Variants in AKAP3 observed in about 807,000 individuals in gnomAD.
AKAP3 encodes A-kinase anchoring protein 3.
A neutral mutation model predicts 57.2 loss-of-function variants in AKAP3; 27 were observed. The observed-to-expected ratio is 0.47, with a 90% CI of 0.35 to 0.65. AKAP3 has a LOEUF of 0.65. AKAP3 is among the 30% of genes least tolerant of loss of function. The pLI, the probability that AKAP3 is intolerant of heterozygous loss-of-function variation, is 0.01. For missense variants in AKAP3, 959 were observed against 1,040.0 expected (o/e 0.92, Z 1.07); for synonymous variants, 334 against 392.3 (o/e 0.85, Z 1.76).
intron 5 of AKAP3, 37 bp downstream of exon 5, chr12:4,626,459 A>T (rs1261406466): frequency 6.3e-7 from 1 of 1,589,712 alleles, no homozygotes; most frequent in Admixed American, 1.7e-5. Context: ...GTTAAATCTT[A>T]ATAAAGCTTC....
intron 4 of AKAP3, among the ~76,000 whole-genome samples, chr12:4,633,279 G>C (rs926474310): frequency 6.6e-6 from 1 of 151,594 alleles, no homozygotes; most frequent in Non-Finnish European, 1.5e-5. Flanking sequence ...TATTTTAAAA[G>C]ATAAATAAAA....
chr12:4,619,196 G>A (rs535042591), intron 5 of AKAP3, among the ~76,000 whole-genome samples: 1 of 152,282 alleles, frequency 6.6e-6, no homozygotes, highest in African/African-American at 2.4e-5. Flanking sequence ...TGAAACCTGT[G>A]CAAATTACTG....
Position 4,625,032 on chromosome 12 carries a change from T to A in AKAP3, c.2406+1464A>T, listed in dbSNP as rs984047251. 2.0e-4 allele frequency among the ~76,000 whole-genome samples: 26 copies of A among 131,060 alleles called. No homozygotes were observed. Among genetic ancestry groups the A allele is most frequent in the African/African-American group, 8.6e-4 (25 of 29,048 alleles). 86.0% of individuals were successfully genotyped at this position (131,060 alleles called of 152,430 possible). ...CCTGAAAGCTATGCTTACTTTTAGA[T>A]TTTTTTCATCAGTTTAAATTTTCTT... On this transcript the variant is annotated intron_variant, in intron 5 of 5. Transcript: ENST00000228850. This position sits in a 1 kb window ranked among gnomAD's most constrained non-coding sequence, Gnocchi z 5.4.
rs12301141 is a variant in AKAP3 at position 4,639,379 on chromosome 12, A to T, written c.1-1183T>A. Among the ~76,000 whole-genome samples the T allele has an allele frequency of 9.7e-3, 1,458 of 150,680 alleles. 13 individuals are homozygous for T. Among genetic ancestry groups the T allele is most frequent in the African/African-American group, 0.025 (1,020 of 41,054 alleles). ...CCTTAGGCTCGGTTGGCGTTAAAAA[A>T]TTTTTTTCTTTTGGGGGGTGCAGTA... is the stretch of plus-strand genomic sequence containing the variant. On this transcript the variant is annotated intron_variant, in intron 3 of 5. Coordinates refer to ENST00000228850, the MANE Select transcript of AKAP3 (RefSeq NM_001278309.2).
At chr12:4,632,054 G>C (rs1372936227) in intron 4 of AKAP3, among the ~76,000 whole-genome samples, 1 of 152,184 alleles carries the variant, frequency 6.6e-6, no homozygotes, top group Non-Finnish European at 1.5e-5. Context: ...TCAGCCTAAT[G>C]ATAAGTTTCC....
At chr12:4,622,409 G>A (rs1266786031) in intron 5 of AKAP3, among the ~76,000 whole-genome samples, 1 of 152,156 alleles carries the variant, frequency 6.6e-6, no homozygotes, top group Admixed American at 6.5e-5. Flanking sequence ...AACCAAAACA[G>A]CATGGTACTG....
chr12:4,637,803 G>C lies in AKAP3; in HGVS notation c.96+298C>G, dbSNP rs560709905. Among the ~76,000 whole-genome samples, 177 of 151,978 alleles carry C rather than the reference G, an allele frequency of 1.2e-3. 1 individual carries two copies. Among genetic ancestry groups the C allele is most frequent in the South Asian group, 4.1e-3 (20 of 4,824 alleles). ...GTTTGAAAATTAAAATTTTATAGCT[G>C]TAATATACAGCTGACATATACATAT... is the stretch of plus-strand genomic sequence containing the variant. On this transcript the variant is annotated intron_variant, in intron 4 of 5. Coordinates refer to ENST00000228850, the MANE Select transcript of AKAP3 (RefSeq NM_001278309.2).
chr12:4,619,855 A>C (rs181766400), intron 5 of AKAP3, among the ~76,000 whole-genome samples: 3 of 152,360 alleles, frequency 2.0e-5, no homozygotes, highest in African/African-American at 7.2e-5. Context: ...CTACTGATAC[A>C]TGCTACAACA....
At chr12:4,635,315 C>G (rs1945550418) in intron 4 of AKAP3, 1 of 421,412 alleles carries the variant, frequency 2.4e-6, no homozygotes, top group South Asian at 3.1e-5. Flanking sequence ...AAGCAGAAGA[C>G]TATTCTAGCT....
At chr12:4,630,001 T>C (rs1343603105) in intron 4 of AKAP3, among the ~76,000 whole-genome samples, 10 of 152,188 alleles carry the variant, frequency 6.6e-5, no homozygotes, top group African/African-American at 2.4e-4. Flanking sequence ...AATTGTACAA[T>C]CTGCATGTGG....
At chr12:4,637,560 A>C (rs1342164494) in intron 4 of AKAP3, among the ~76,000 whole-genome samples, 1 of 152,082 alleles carries the variant, frequency 6.6e-6, no homozygotes, top group Non-Finnish European at 1.5e-5. Flanking sequence ...ATAATTTTTA[A>C]ATGTTAAGTT....
chr12:4,627,631 A>G lies in AKAP3; in HGVS notation c.1271T>C (p.Met424Thr). 6.2e-7 allele frequency: 1 copy of G among 1,614,056 alleles called. No homozygotes were observed. Among genetic ancestry groups the G allele is most frequent in the Non-Finnish European group, 8.5e-7 (1 of 1,180,038 alleles). ...TTCTCTCAATTTAGTTTCAGATTTC[A>G]TGGCAAAGTTCACATTTCGGTTTTT... ...DPKNRNVNFA[M>T]KSETKLREKM... The change falls in exon 5 of 6, where the codon ATG becomes ACG. Residue 424 changes from methionine (M) to threonine (T), a missense_variant. Transcript: ENST00000228850.
chr12:4,648,150 G>T (rs527810863), intron 1 of AKAP3: 2 of 152,302 alleles, frequency 1.3e-5, no homozygotes, highest in South Asian at 4.1e-4. Context: ...AGTCTAACCT[G>T]GAATTTCCTC....
intron 2 of AKAP3, among the ~76,000 whole-genome samples, chr12:4,644,631 G>T (rs557246404): frequency 6.6e-6 from 1 of 152,222 alleles, no homozygotes; most frequent in Non-Finnish European, 1.5e-5. Context: ...GGCTGAGCAG[G>T]CCAGGCATGG....
intron 1 of AKAP3, among the ~76,000 whole-genome samples, chr12:4,647,540 C>T (rs1945714212): frequency 6.6e-6 from 1 of 151,828 alleles, no homozygotes; most frequent in Non-Finnish European, 1.5e-5. Flanking sequence ...CTTTTAATTA[C>T]ACCATGCAAC....
rs1426964360 is a variant in AKAP3, at chr12:4,615,685, G to A, written c.*54C>T. 23 of 1,577,732 alleles carry A rather than the reference G, an allele frequency of 1.5e-5. No homozygotes were observed. The East Asian group carries it at 4.5e-4, about 31-fold the overall frequency. On this transcript the variant is annotated 3_prime_UTR_variant, in exon 6 of 6. Coordinates refer to ENST00000228850, the MANE Select transcript of AKAP3 (RefSeq NM_001278309.2). ...AGATGTGGAAGTGAGAAAGAAGGGC[G>A]GGGATAAGGGCCGGCCCCACTGCCA...
intron 5 of AKAP3, among the ~76,000 whole-genome samples, chr12:4,618,293 A>G (rs1450106650): frequency 6.6e-6 from 1 of 152,236 alleles, no homozygotes; most frequent in Non-Finnish European, 1.5e-5. Flanking sequence ...AATGCCAATC[A>G]AAAGAAGACT....
intron 2 of AKAP3, among the ~76,000 whole-genome samples, chr12:4,643,361 AG>A (rs1417220560): frequency 6.6e-6 from 1 of 152,218 alleles, no homozygotes; most frequent in African/African-American, 2.4e-5. Context: ...AAAAGAAGGA[AG>A]ATCTAAAGAG....
At chr12:4,636,373 C>T (rs1000319855) in intron 4 of AKAP3, among the ~76,000 whole-genome samples, 5 of 152,174 alleles carry the variant, frequency 3.3e-5, no homozygotes, top group Non-Finnish European at 7.3e-5. Context: ...CTACCCTCAC[C>T]GACATTTCTA....
Sources: allele counts gnomAD v4.1 joint callset (sites outside exome capture counted in the v4.1 genomes callset), GRCh38; gene constraint gnomAD v4.1.1; non-coding constraint Gnocchi (gnomAD v3.1); transcripts MANE v1.5; gene names NCBI Gene and HGNC (gene_info 2026-07-23, HGNC 2026-07-21).